Variants in CCDC148 observed in about 807,000 individuals in gnomAD.
The protein encoded by CCDC148 is coiled-coil domain containing 148.
A neutral mutation model predicts 85.7 loss-of-function variants in CCDC148; 89 were observed. That is an observed-to-expected ratio of 1.04 (90% CI 0.87 to 1.24). The LOEUF is 1.24. Ranked by LOEUF, CCDC148 falls within the 50% of genes most tolerant of loss-of-function variation. CCDC148 has a pLI of 0.00. For missense variants in CCDC148, 692 were observed against 671.7 expected (o/e 1.03, Z -0.33); for synonymous variants, 230 against 213.9 (o/e 1.08, Z -0.66).
chr2:158,336,557 G>A (rs1233594772), intron 7 of CCDC148, among the ~76,000 whole-genome samples: 1 of 152,124 alleles, frequency 6.6e-6, no homozygotes, highest in Non-Finnish European at 1.5e-5. Context: ...AATGACTACT[G>A]TATTTTAAGT....
intron 9 of CCDC148, among the ~76,000 whole-genome samples, chr2:158,284,753 G>C (rs1690536041): frequency 6.6e-6 from 1 of 152,134 alleles, no homozygotes; most frequent in East Asian, 1.9e-4. Flanking sequence ...TCAATGTCTA[G>C]TAAATAACCA....
At position 158,419,263 on chromosome 2, in the gene CCDC148, TA is replaced by T. The variant is rs199759536; in HGVS notation, c.25+37151del. Among the ~76,000 whole-genome samples the T allele has an allele frequency of 1.4e-3, 209 of 152,314 alleles. 6 individuals are homozygous for T. The East Asian group carries it at 0.015, about 11-fold the overall frequency. ...TGCCTAATTTTAAAAAGTCATCAAA[TA>T]GCTCTATGAAAATTTAAATACTATG... On this transcript the variant is annotated intron_variant, in intron 1 of 13. Coordinates refer to ENST00000283233, the MANE Select transcript of CCDC148 (RefSeq NM_138803.4).
chr2:158,334,523 A>G (rs954754912), intron 7 of CCDC148, among the ~76,000 whole-genome samples: 16 of 67,262 alleles, frequency 2.4e-4, no homozygotes, highest in African/African-American at 1.1e-3. Flanking sequence ...CTTCAAGATT[A>G]TTTATTTTTA....
At chr2:158,377,323 C>T (rs1684695731) in intron 1 of CCDC148, among the ~76,000 whole-genome samples, 1 of 151,768 alleles carries the variant, frequency 6.6e-6, no homozygotes, top group Non-Finnish European at 1.5e-5. Flanking sequence ...CAAGGACAAA[C>T]AGAAAGTGGC....
intron 9 of CCDC148, among the ~76,000 whole-genome samples, chr2:158,287,236 G>A (rs1381446085): frequency 6.6e-6 from 1 of 152,064 alleles, no homozygotes; most frequent in Non-Finnish European, 1.5e-5. Context: ...TGAGATTTGG[G>A]TGGGGACACA....
chr2:158,386,098 C>T (rs1187594284), intron 1 of CCDC148, among the ~76,000 whole-genome samples: 1 of 151,964 alleles, frequency 6.6e-6, no homozygotes, highest in East Asian at 1.9e-4. Context: ...TCCTAGAGAA[C>T]AAAGTATGTA....
intron 1 of CCDC148, among the ~76,000 whole-genome samples, chr2:158,437,811 A>T (rs1687734391): frequency 6.6e-6 from 1 of 152,248 alleles, no homozygotes. Flanking sequence ...TGCAAAAAGC[A>T]CAAGCATTCT....
At chr2:158,186,489 T>A (rs1177697147) in intron 11 of CCDC148, among the ~76,000 whole-genome samples, 1 of 152,062 alleles carries the variant, frequency 6.6e-6, no homozygotes, top group Non-Finnish European at 1.5e-5. Context: ...CCTTACTCAA[T>A]CTGTGACTTG....
intron 2 of CCDC148, among the ~76,000 whole-genome samples, chr2:158,352,605 G>A (rs1445393964): frequency 2.0e-5 from 3 of 152,266 alleles, no homozygotes; most frequent in East Asian, 1.9e-4. Context: ...TCTGATTGGT[G>A]TACCTGAAAG....
At chr2:158,352,192 G>A (rs970878023) in intron 2 of CCDC148, among the ~76,000 whole-genome samples, 9 of 150,028 alleles carry the variant, frequency 6.0e-5, no homozygotes, top group South Asian at 2.1e-4. Context: ...AAGGAACGCA[G>A]TTCCTCACCA....
At chr2:158,365,383 A>G (rs1196949578) in intron 1 of CCDC148, among the ~76,000 whole-genome samples, 1 of 152,198 alleles carries the variant, frequency 6.6e-6, no homozygotes, top group Non-Finnish European at 1.5e-5. Flanking sequence ...ACTGTTCACA[A>G]TAGAAAAGAC....
chr2:158,239,960 T>G (rs1044978571), intron 10 of CCDC148, among the ~76,000 whole-genome samples: 2 of 152,018 alleles, frequency 1.3e-5, no homozygotes, highest in African/African-American at 4.8e-5. Flanking sequence ...AATAACTAAA[T>G]AAAAAATACT....
intron 11 of CCDC148, among the ~76,000 whole-genome samples, chr2:158,213,113 G>A (rs1016111861): frequency 6.6e-6 from 1 of 152,114 alleles, no homozygotes; most frequent in African/African-American, 2.4e-5. Flanking sequence ...ACTTTCAAAG[G>A]CTCCCCAAGT....
At chr2:158,190,252 G>A (rs1685359316) in intron 11 of CCDC148, among the ~76,000 whole-genome samples, 1 of 151,964 alleles carries the variant, frequency 6.6e-6, no homozygotes, top group South Asian at 2.1e-4. Flanking sequence ...TGGAGGGACA[G>A]CACAGGCAGA....
chr2:158,368,818 T>C (rs941721650), intron 1 of CCDC148, among the ~76,000 whole-genome samples: 4 of 152,022 alleles, frequency 2.6e-5, no homozygotes, highest in African/African-American at 9.7e-5. Context: ...ATGACCAGTC[T>C]CTACAGGGAA....
chr2:158,417,571 T>A (rs1373808625), intron 1 of CCDC148, among the ~76,000 whole-genome samples: 1 of 152,226 alleles, frequency 6.6e-6, no homozygotes, highest in Non-Finnish European at 1.5e-5. Context: ...AGAACTATAC[T>A]GCAGTCTGAG....
chr2:158,452,960 A>G (rs1688464561), intron 1 of CCDC148, among the ~76,000 whole-genome samples: 1 of 152,230 alleles, frequency 6.6e-6, no homozygotes, highest in East Asian at 1.9e-4. Context: ...CTGAGTTTCA[A>G]AACCTCTATT....
intron 7 of CCDC148, among the ~76,000 whole-genome samples, chr2:158,316,068 C>A (rs1477277945): frequency 6.6e-6 from 1 of 152,164 alleles, no homozygotes; most frequent in African/African-American, 2.4e-5. Context: ...TCAATAGAAC[C>A]TACCCTAAGA....
intron 10 of CCDC148, among the ~76,000 whole-genome samples, chr2:158,222,933 C>G (rs1170228907): frequency 6.6e-6 from 1 of 152,120 alleles, no homozygotes; most frequent in Non-Finnish European, 1.5e-5. Flanking sequence ...AACTGAGGTA[C>G]CGGGTTCATC....
Sources: allele counts gnomAD v4.1 joint callset (sites outside exome capture counted in the v4.1 genomes callset), GRCh38; gene constraint gnomAD v4.1.1; transcripts MANE v1.5; gene names NCBI Gene and HGNC (gene_info 2026-07-23, HGNC 2026-07-21).